Variants in OSBPL8 observed in about 807,000 individuals in gnomAD.
The protein encoded by OSBPL8 is oxysterol binding protein like 8.
In OSBPL8, 59 loss-of-function variants were observed where a neutral mutation model predicts 125.5. That is an observed-to-expected ratio of 0.47 (90% confidence interval 0.38 to 0.58). OSBPL8 has a LOEUF of 0.58. Ranked by LOEUF, OSBPL8 falls within the 20% of genes least tolerant of loss-of-function variation. The pLI, the probability that OSBPL8 is intolerant of heterozygous loss-of-function variation, is 0.00. For synonymous variants in OSBPL8, 330 were observed against 338.9 expected, an observed-to-expected ratio of 0.97 and a Z score of 0.29; for missense variants, 758 against 1,047.8, an observed-to-expected ratio of 0.72 and a Z score of 3.82.
At position 76,487,590 on chromosome 12, in the gene OSBPL8, T is replaced by C. The variant is rs1191850677; in HGVS notation, c.-39A>G. On this transcript the variant is annotated 5_prime_UTR_variant, in exon 2 of 24. Coordinates refer to ENST00000261183, the MANE Select transcript of OSBPL8 (RefSeq NM_020841.5). ...AGGTTTATGCTTCTCTTTCCATTAA[T>C]GTGCAGCCATTCTGTAAATCTGCAA... 1.3e-6 allele frequency: 2 copies of C among 1,542,248 alleles called. No homozygotes were observed. Among genetic ancestry groups the C allele is most frequent in the Non-Finnish European group, 1.8e-6 (2 of 1,141,390 alleles).
intron 4 of OSBPL8, among the ~76,000 whole-genome samples, chr12:76,436,042 T>C (rs1592679117): frequency 6.6e-6 from 1 of 152,168 alleles, no homozygotes; most frequent in South Asian, 2.1e-4. Context: ...TTGCAGCCAT[T>C]CTCTCTAAGC....
chr12:76,485,951 A>G, intron 2 of OSBPL8: 1 of 348,012 alleles, frequency 2.9e-6, no homozygotes, highest in African/African-American at 2.1e-5. Flanking sequence ...GGTAAAGTTT[A>G]TCATAAAATA....
At chr12:76,385,304 G>C (rs748210134) in intron 14 of OSBPL8, among the ~76,000 whole-genome samples, 12 of 152,128 alleles carry the variant, frequency 7.9e-5, no homozygotes, top group Non-Finnish European at 1.3e-4. Flanking sequence ...AGGAGCCACT[G>C]TTATTGAAAG....
chr12:76,455,259 CAGA>C (rs1873899918), intron 3 of OSBPL8, among the ~76,000 whole-genome samples: 1 of 151,450 alleles, frequency 6.6e-6, no homozygotes, highest in Admixed American at 6.6e-5. Context: ...AAAAAAGCAG[CAGA>C]AAGACCTAAG....
Position 76,355,703 on chromosome 12 carries a change from C to T in OSBPL8, c.*186G>A, listed in dbSNP as rs374781283. On this transcript the variant is annotated 3_prime_UTR_variant, in exon 24 of 24. Transcript: ENST00000261183. ...TTAACACATAGCTCACTTTAATAAT[C>T]AAATAGGATAGCTCTTGTTTCAGTG... is the stretch of plus-strand genomic sequence containing the variant. The T allele has an allele frequency of 4.5e-5, 26 of 583,716 alleles. No individual in the cohort carries two copies. The highest frequency in any genetic ancestry group is 3.2e-4 in the East Asian group (10 of 31,198). 36.2% of individuals were successfully genotyped at this position (583,716 alleles called of 1,614,324 possible).
chr12:76,483,676 T>TC, intron 2 of OSBPL8, among the ~76,000 whole-genome samples: 1 of 131,660 alleles, frequency 7.6e-6, no homozygotes, highest in African/African-American at 2.9e-5. Flanking sequence ...TTTTTTTTTT[T>TC]TTTTTTTTTT....
intron 19 of OSBPL8, 70 bp downstream of exon 19, chr12:76,371,378 C>A: frequency 7.0e-7 from 1 of 1,424,998 alleles, no homozygotes; most frequent in Non-Finnish European, 9.3e-7. Flanking sequence ...GACAAAATGA[C>A]CATATCATTA....
chr12:76,381,489 T>C (rs930041808), intron 15 of OSBPL8, among the ~76,000 whole-genome samples: 2 of 152,184 alleles, frequency 1.3e-5, no homozygotes, highest in Admixed American at 6.5e-5. Context: ...CCATTTCAAA[T>C]TTCTATCTCT....
intron 5 of OSBPL8, among the ~76,000 whole-genome samples, chr12:76,407,543 C>T (rs1255365335): frequency 1.3e-5 from 2 of 152,150 alleles, no homozygotes; most frequent in Non-Finnish European, 2.9e-5. Flanking sequence ...ACATTGCACC[C>T]AGCAGAATGT....
At chr12:76,403,739 T>C (rs115419394) in intron 5 of OSBPL8, among the ~76,000 whole-genome samples, 2 of 152,156 alleles carry the variant, frequency 1.3e-5, no homozygotes, top group Admixed American at 1.3e-4. Context: ...ATTCAAATGG[T>C]GGCTTTCAAA....
chr12:76,434,064 A>C (rs1456527614), intron 4 of OSBPL8, among the ~76,000 whole-genome samples: 2 of 152,154 alleles, frequency 1.3e-5, no homozygotes, highest in African/African-American at 4.8e-5. Context: ...AGAAGAAGAA[A>C]GAACAAAGCT....
At chr12:76,489,848 C>G (rs571045886) in intron 1 of OSBPL8, among the ~76,000 whole-genome samples, 1 of 152,280 alleles carries the variant, frequency 6.6e-6, no homozygotes, top group South Asian at 2.1e-4. Flanking sequence ...TGGATCTGGG[C>G]AAAGTTTGAA....
intron 1 of OSBPL8, among the ~76,000 whole-genome samples, chr12:76,547,783 A>C (rs1950821792): frequency 6.6e-6 from 1 of 152,220 alleles, no homozygotes; most frequent in African/African-American, 2.4e-5. Context: ...TTTTACACAC[A>C]ATTCTAAACA....
chr12:76,534,821 T>C (rs1421652714), intron 1 of OSBPL8, among the ~76,000 whole-genome samples: 2 of 152,100 alleles, frequency 1.3e-5, no homozygotes, highest in Non-Finnish European at 2.9e-5. Flanking sequence ...ATCAATGGAA[T>C]AGAATAAGGA....
At chr12:76,519,992 G>C (rs1881912840) in intron 1 of OSBPL8, among the ~76,000 whole-genome samples, 1 of 152,084 alleles carries the variant, frequency 6.6e-6, no homozygotes. Context: ...AGCTTATTTA[G>C]TAAAACCACC....
chr12:76,526,461 T>C (rs560062941), intron 1 of OSBPL8, among the ~76,000 whole-genome samples: 1 of 152,104 alleles, frequency 6.6e-6, no homozygotes, highest in Middle Eastern at 3.4e-3. Flanking sequence ...GCACTACTAG[T>C]ATACAGTTAC....
At chr12:76,558,932 T>G (rs1951189691) in intron 1 of OSBPL8, among the ~76,000 whole-genome samples, 1 of 152,156 alleles carries the variant, frequency 6.6e-6, no homozygotes, top group Non-Finnish European at 1.5e-5. Flanking sequence ...CAACACCGTG[T>G]CGCTTGGCTC....
At position 76,486,618 on chromosome 12, in the gene OSBPL8, A is replaced by G. The variant is rs1251252175; in HGVS notation, c.42+892T>C. ...AAATCATCATTTAGTCCATCCTACT[A>G]GTGATTTTGTTTTAATGTATTAGGT... On this transcript the variant is annotated intron_variant, in intron 2 of 23. Transcript: ENST00000261183. 3.3e-5 allele frequency among the ~76,000 whole-genome samples: 5 copies of G among 152,290 alleles called. No homozygotes were observed. In the East Asian group the frequency reaches 7.7e-4, roughly 24 times the overall value.
intron 4 of OSBPL8, among the ~76,000 whole-genome samples, chr12:76,444,701 T>A (rs1872560809): frequency 6.6e-6 from 1 of 152,216 alleles, no homozygotes; most frequent in African/African-American, 2.4e-5. Context: ...GTCCAGAAGT[T>A]GCTACATCAG....
Sources: gnomAD v4.1 joint callset for allele counts (sites outside exome capture counted in the v4.1 genomes callset) on GRCh38, gnomAD v4.1.1 for gene constraint, MANE v1.5 for transcripts, NCBI Gene and HGNC (gene_info 2026-07-23, HGNC 2026-07-21) for gene names.